IRAG1: variants seen among roughly 807,000 people sequenced by gnomAD.
IRAG1 encodes IP3R-associated cGMP kinase substrate.
In IRAG1, 62 loss-of-function variants were observed where a neutral mutation model predicts 106.2. The observed-to-expected ratio is 0.58, with a 90% confidence interval of 0.48 to 0.72. The LOEUF (loss-of-function observed/expected upper bound fraction) is 0.72. Ranked by LOEUF, IRAG1 falls within the 30% of genes least tolerant of loss-of-function variation. The pLI, the probability that IRAG1 is intolerant of heterozygous loss-of-function variation, is 0.00. For synonymous variants in IRAG1, 462 were observed against 443.9 expected, an observed-to-expected ratio of 1.04 and a Z score of -0.51; for missense variants, 1,064 against 1,140.7, an observed-to-expected ratio of 0.93 and a Z score of 0.97.
In IRAG1 at chr11:10,591,541, A is replaced by G. The variant is rs1852673823; in HGVS notation, c.2240+7T>C. 1 of 1,588,726 alleles carries G rather than the reference A, an allele frequency of 6.3e-7. No homozygotes were observed. The highest frequency in any genetic ancestry group is 1.8e-5 in the Admixed American group (1 of 56,124). ...CCTGAAGCCAAGAGGAAAATCGACAAACTTACTTTTCCAAAAGTGCAGGCA... is the reference window on the plus strand; with the variant it reads ...CCTGAAGCCAAGAGGAAAATCGACAGACTTACTTTTCCAAAAGTGCAGGCA... On this transcript the variant is annotated splice_region_variant and intron_variant, in intron 18 of 20. Coordinates refer to ENST00000423302, the MANE Select transcript of IRAG1 (RefSeq NM_130385.4).
chr11:10,603,872 A>G (rs1327612655), intron 13 of IRAG1, among the ~76,000 whole-genome samples: 1 of 152,224 alleles, frequency 6.6e-6, no homozygotes, highest in African/African-American at 2.4e-5. Flanking sequence ...CCCTCACCAG[A>G]ACCCGACCAT....
At chr11:10,664,137 C>G (rs1008309169) in intron 1 of IRAG1, among the ~76,000 whole-genome samples, 2 of 152,190 alleles carry the variant, frequency 1.3e-5, no homozygotes, top group African/African-American at 4.8e-5. Context: ...ACAAGAACAA[C>G]AGCAGCCGAG....
intron 20 of IRAG1, 30 bp downstream of exon 20, chr11:10,580,425 C>A: frequency 6.3e-7 from 1 of 1,595,590 alleles, no homozygotes; most frequent in South Asian, 1.1e-5. Flanking sequence ...ATTTCAGCAA[C>A]GGCAAGGACT....
intron 2 of IRAG1, among the ~76,000 whole-genome samples, chr11:10,643,176 C>CAAAAAAAAA (rs10679269): frequency 3.3e-4 from 20 of 60,232 alleles, no homozygotes; most frequent in African/African-American, 6.6e-4. Context: ...GACTCCGTCT[C>CAAAAAAAAA]AAAAAAAAAA....
intron 1 of IRAG1, among the ~76,000 whole-genome samples, chr11:10,673,841 T>C (rs896131678): frequency 7.2e-5 from 11 of 152,188 alleles, no homozygotes; most frequent in African/African-American, 2.2e-4. Context: ...TGAGGATACA[T>C]AATGTAAGAA....
At chr11:10,636,842 G>A (rs1056725060) in intron 2 of IRAG1, among the ~76,000 whole-genome samples, 1 of 152,194 alleles carries the variant, frequency 6.6e-6, no homozygotes, top group Non-Finnish European at 1.5e-5. Context: ...TAGAGGACAG[G>A]ATTTGGCCAA....
rs1285572877 is a variant in IRAG1 at position 10,575,658 on chromosome 11, A to T, written c.*674T>A. 2.6e-5 allele frequency: 4 copies of T among 154,124 alleles called. No homozygotes were observed. The highest frequency in any genetic ancestry group is 5.8e-5 in the Non-Finnish European group (4 of 69,306). 9.5% of individuals were successfully genotyped at this position (154,124 alleles called of 1,614,324 possible). On this transcript the variant is annotated 3_prime_UTR_variant, in exon 21 of 21. Coordinates refer to ENST00000423302, the MANE Select transcript of IRAG1 (RefSeq NM_130385.4). ...GCACAGGCATGTTGTGTGTGTGTAC[A>T]CAACAGTATGTGTGTATGTGTGGAC...
Position 10,596,487 on chromosome 11 carries a change from T to C in IRAG1, c.2018-2292A>G, listed in dbSNP as rs75278236. On this transcript the variant is annotated intron_variant, in intron 15 of 20. Transcript: ENST00000423302. ...CTGCAGTTTCTCTTTGGTGTGTTTT[T>C]ATTTTTCCTGCTTGGAATTCACGTA... Among the ~76,000 whole-genome samples, 1,166 of 152,360 alleles carry C rather than the reference T, an allele frequency of 7.7e-3. 17 individuals are homozygous for C. The highest frequency in any genetic ancestry group is 0.027 in the African/African-American group (1,105 of 41,596).
At chr11:10,674,943 T>C (rs1160154445) in intron 1 of IRAG1, among the ~76,000 whole-genome samples, 1 of 152,210 alleles carries the variant, frequency 6.6e-6, no homozygotes, top group Non-Finnish European at 1.5e-5. Context: ...TCCCCTCATA[T>C]GAAGGATTCT....
chr11:10,597,464 T>C (rs1002363845), intron 15 of IRAG1, among the ~76,000 whole-genome samples: 19 of 152,202 alleles, frequency 1.2e-4, no homozygotes, highest in Non-Finnish European at 2.4e-4. Flanking sequence ...AAGCTAGAAC[T>C]ACAGGTGCCC....
At chr11:10,622,722 C>T (rs759993210) in intron 10 of IRAG1, among the ~76,000 whole-genome samples, 1 of 152,036 alleles carries the variant, frequency 6.6e-6, no homozygotes, top group Non-Finnish European at 1.5e-5. Flanking sequence ...CCAGACTGGT[C>T]TCAAAGTCCT....
intron 15 of IRAG1, among the ~76,000 whole-genome samples, chr11:10,596,708 T>C (rs927990112): frequency 6.6e-6 from 1 of 152,268 alleles, no homozygotes; most frequent in Non-Finnish European, 1.5e-5. Flanking sequence ...TTCTCTGAAC[T>C]ATACATTGGG....
chr11:10,629,998 A>G (rs1856564503), intron 4 of IRAG1: 2 of 375,586 alleles, frequency 5.3e-6, no homozygotes, highest in African/African-American at 4.1e-5. Context: ...GCCACCCAGG[A>G]GCCTTACCTC....
chr11:10,687,489 A>T (rs992551689), intron 1 of IRAG1: 7 of 312,478 alleles, frequency 2.2e-5, no homozygotes, highest in Non-Finnish European at 3.3e-5. Flanking sequence ...GCTCAATGCA[A>T]TATTAGAAAA....
At chr11:10,623,754 A>G in intron 10 of IRAG1, 24 bp downstream of exon 10, 2 of 1,610,144 alleles carry the variant, frequency 1.2e-6, no homozygotes, top group Middle Eastern at 1.7e-4. Flanking sequence ...TCGCTGAGAC[A>G]GCATCTGCCC....
At chr11:10,681,741 T>C (rs562762661) in intron 1 of IRAG1, among the ~76,000 whole-genome samples, 124 of 152,322 alleles carry the variant, frequency 8.1e-4, no homozygotes, top group African/African-American at 2.9e-3. Flanking sequence ...GCTTAGGAAG[T>C]GGCACCAGGG....
intron 14 of IRAG1, 113 bp downstream of exon 14, chr11:10,603,007 G>C: frequency 1.6e-6 from 2 of 1,243,572 alleles, no homozygotes; most frequent in Non-Finnish European, 2.2e-6. Flanking sequence ...TAGGATGCCT[G>C]GCCCAGAGGA....
At chr11:10,693,333 C>T in intron 1 of IRAG1, 1 of 1,033,048 alleles carries the variant, frequency 9.7e-7, no homozygotes, top group Non-Finnish European at 1.3e-6. Context: ...TAAGTTAGGA[C>T]TGGCAAGATT....
Position 10,648,722 on chromosome 11 carries a change from G to C in IRAG1, c.225+3303C>G, listed in dbSNP as rs1371312197. ...AGCCTTACAAAGTGCATTGTTGGGG[G>C]GCTTTTTGTGGTATTTGATTGCAGC... On this transcript the variant is annotated intron_variant, in intron 2 of 20. Coordinates refer to ENST00000423302, the MANE Select transcript of IRAG1 (RefSeq NM_130385.4). Among the ~76,000 whole-genome samples, 3 of 152,160 alleles carry C rather than the reference G, an allele frequency of 2.0e-5. No homozygotes were observed. In the East Asian group the frequency reaches 5.8e-4, roughly 29 times the overall value.
Sources: allele counts gnomAD v4.1 joint callset (sites outside exome capture counted in the v4.1 genomes callset), GRCh38; gene constraint gnomAD v4.1.1; transcripts MANE v1.5; gene names NCBI Gene and HGNC (gene_info 2026-07-23, HGNC 2026-07-21).